ANKRD30B: variants seen among roughly 807,000 people sequenced by gnomAD.
ANKRD30B encodes ankyrin repeat domain-containing protein 30B.
Under a neutral mutation model 202.2 loss-of-function variants are expected in ANKRD30B, and 144 were observed. That is an observed-to-expected ratio of 0.71 (90% CI 0.62 to 0.82). The LOEUF is 0.82. Among genes scored for constraint, ANKRD30B ranks in the 40% least tolerant of loss-of-function variants. The pLI is 0.00. For missense variants in ANKRD30B, 1,487 were observed against 1,669.1 expected (o/e 0.89, Z 1.90); for synonymous variants, 508 against 561.3 (o/e 0.91, Z 1.34).
chr18:14,868,567 G>A, the ANKRD30B span, among the ~76,000 whole-genome samples: 2 of 152,292 alleles, frequency 1.3e-5, no homozygotes, highest in Non-Finnish European at 2.9e-5. Context: ...CCAAGGGGAA[G>A]AAAGGGAACC....
At chr18:14,766,739 T>C (rs1393022201) in intron 7 of ANKRD30B, among the ~76,000 whole-genome samples, 1 of 152,126 alleles carries the variant, frequency 6.6e-6, no homozygotes, top group East Asian at 1.9e-4. Flanking sequence ...AGCTTATCCA[T>C]GATGCAGAAG....
chr18:14,864,366 A>C, the ANKRD30B span, among the ~76,000 whole-genome samples: 1 of 152,004 alleles, frequency 6.6e-6, no homozygotes, highest in Non-Finnish European at 1.5e-5. Flanking sequence ...CCAAACCAAA[A>C]CAAAAAAAAC....
chr18:14,913,771 AC>A, the ANKRD30B span, among the ~76,000 whole-genome samples: 2 of 151,714 alleles, frequency 1.3e-5, no homozygotes, highest in Non-Finnish European at 2.9e-5. Flanking sequence ...GGTCCCTTGG[AC>A]CCCAGATCCT....
At chr18:14,821,672 G>A (rs1378372438) in intron 30 of ANKRD30B, among the ~76,000 whole-genome samples, 1 of 152,108 alleles carries the variant, frequency 6.6e-6, no homozygotes, top group Non-Finnish European at 1.5e-5. Context: ...TGGCCAGGCT[G>A]CTTTGGAACT....
intron 15 of ANKRD30B, among the ~76,000 whole-genome samples, chr18:14,789,625 C>T (rs966589763): frequency 5.3e-5 from 8 of 152,182 alleles, no homozygotes; most frequent in African/African-American, 1.9e-4. Context: ...CCAGTTTTCC[C>T]AGCACCATTT....
the ANKRD30B span, among the ~76,000 whole-genome samples, chr18:14,913,557 G>A: frequency 2.0e-4 from 31 of 152,242 alleles, no homozygotes; most frequent in Non-Finnish European, 3.2e-4. Flanking sequence ...CAGGATCTGC[G>A]CTATTCAAGA....
At chr18:14,828,960 A>G (rs1970786199) in intron 33 of ANKRD30B, among the ~76,000 whole-genome samples, 1 of 152,200 alleles carries the variant, frequency 6.6e-6, no homozygotes, top group African/African-American at 2.4e-5. Flanking sequence ...GCTATTTCTT[A>G]TAGAATTCTC....
At chr18:14,764,152 G>A in intron 7 of ANKRD30B, 62 bp downstream of exon 7, 2 of 1,438,180 alleles carry the variant, frequency 1.4e-6, no homozygotes, top group Non-Finnish European at 1.8e-6. Flanking sequence ...AGTGAAAAAA[G>A]TGTGATATGG....
At chr18:14,926,462 C>T in the ANKRD30B span, among the ~76,000 whole-genome samples, 2 of 152,128 alleles carry the variant, frequency 1.3e-5, no homozygotes, top group Admixed American at 6.5e-5. Context: ...TGGGGCATCC[C>T]AGCCAGGATT....
intron 28 of ANKRD30B, among the ~76,000 whole-genome samples, chr18:14,810,412 C>T (rs1024996720): frequency 1.3e-5 from 2 of 151,074 alleles, no homozygotes; most frequent in African/African-American, 4.9e-5. Flanking sequence ...TTTAATATCC[C>T]GATAGTGTAA....
intron 5 of ANKRD30B, 65 bp downstream of exon 5, chr18:14,758,017 C>T: frequency 6.7e-7 from 1 of 1,501,536 alleles, no homozygotes; most frequent in South Asian, 1.3e-5. Flanking sequence ...TTTTGAAAGA[C>T]AGTGACTTAG....
rs1372074872 is a variant in ANKRD30B, at chr18:14,752,833, T to C, written c.337-6T>C. ...TATAATGTACTTCTTGCTTTAATAC[T>C]GACAGGCTCTACAATGCGAGAGGGA... On this transcript the variant is annotated splice_region_variant and splice_polypyrimidine_tract_variant and intron_variant, in intron 2 of 43. Transcript: ENST00000690538. The C allele has an allele frequency of 7.5e-6, 12 of 1,605,952 alleles. No homozygotes were observed. Among genetic ancestry groups the C allele is most frequent in the Non-Finnish European group, 9.4e-6 (11 of 1,175,834 alleles).
chr18:14,856,160 C>G (rs1242450422), downstream of ANKRD30B, among the ~76,000 whole-genome samples: 2 of 145,998 alleles, frequency 1.4e-5, no homozygotes, highest in African/African-American at 5.1e-5. Context: ...GATGGGACGG[C>G]CAGGCAGAGG....
At chr18:14,932,115 A>G in the ANKRD30B span, among the ~76,000 whole-genome samples, 1 of 140,314 alleles carries the variant, frequency 7.1e-6, no homozygotes, top group East Asian at 2.2e-4. Context: ...TTCAGGGTAC[A>G]TTTCACTGAT....
At chr18:14,917,193 T>C in the ANKRD30B span, among the ~76,000 whole-genome samples, 1 of 152,248 alleles carries the variant, frequency 6.6e-6, no homozygotes, top group African/African-American at 2.4e-5. Context: ...CTCCGTCTTC[T>C]GTGCAGCTAT....
At chr18:14,758,048 C>A in intron 5 of ANKRD30B, 96 bp downstream of exon 5, 2 of 1,390,116 alleles carry the variant, frequency 1.4e-6, no homozygotes, top group Admixed American at 5.0e-5. Flanking sequence ...CAGCCAGAAA[C>A]TAGGCAAAAA....
Position 14,837,174 on chromosome 18 carries a change from T to G in ANKRD30B, c.2848-37T>G. 2.8e-6 allele frequency: 4 copies of G among 1,414,890 alleles called. No homozygotes were observed. In the Middle Eastern group the frequency reaches 7.2e-4, roughly 253 times the overall value. The allele number at this position is 1,414,890 out of a possible 1,614,324, so 87.6% of individuals were successfully genotyped here. On this transcript the variant is annotated intron_variant, in intron 34 of 43. Transcript: ENST00000690538. Reference sequence around the variant, plus strand: ...AAATACAATTTTTTTCTGAAGTTTTTTTTTTGTGTTTGCTTTCTGTGTTTT... The same window carrying G: ...AAATACAATTTTTTTCTGAAGTTTTGTTTTTGTGTTTGCTTTCTGTGTTTT...
At chr18:14,798,518 G>T (rs2143985496) in intron 20 of ANKRD30B, among the ~76,000 whole-genome samples, 1 of 152,296 alleles carries the variant, frequency 6.6e-6, no homozygotes, top group Non-Finnish European at 1.5e-5. Flanking sequence ...GAAACAGGAT[G>T]TGAAGCTACA....
intron 7 of ANKRD30B, among the ~76,000 whole-genome samples, chr18:14,765,703 G>T (rs1468198252): frequency 1.3e-5 from 2 of 151,972 alleles, no homozygotes; most frequent in African/African-American, 2.4e-5. Flanking sequence ...TACATAAAAA[G>T]ATTTAAAGAC....
Sources: gnomAD v4.1 joint callset for allele counts (sites outside exome capture counted in the v4.1 genomes callset) on GRCh38, gnomAD v4.1.1 for gene constraint, MANE v1.5 for transcripts, NCBI Gene and HGNC (gene_info 2026-07-23, HGNC 2026-07-21) for gene names.